LARGE1: variants seen among roughly 807,000 people sequenced by gnomAD.
LARGE1 encodes the protein xylosyl- and glucuronyltransferase LARGE1.
LARGE1 carries 43 observed loss-of-function variants against 87.6 expected under a neutral mutation model. The ratio of observed to expected loss-of-function variants is 0.49; its 90% CI spans 0.38 to 0.63. LARGE1 has a LOEUF of 0.63. Among genes scored for constraint, LARGE1 ranks in the 30% least tolerant of loss-of-function variants. The probability of loss-of-function intolerance (pLI) is 0.00; values close to 1 mark genes in which losing one functional copy is unlikely to be tolerated. For missense variants in LARGE1, 802 were observed against 1,000.2 expected (o/e 0.80, Z 2.67); for synonymous variants, 434 against 394.6 (o/e 1.10, Z -1.18).
At chr22:33,214,034 T>C (rs984536141) in intron 11 of LARGE1, among the ~76,000 whole-genome samples, 10 of 152,202 alleles carry the variant, frequency 6.6e-5, no homozygotes, top group Non-Finnish European at 1.5e-4. Flanking sequence ...TTCACCGTAC[T>C]AGCCAGGGTG....
chr22:33,095,943 G>A, the LARGE1 span, among the ~76,000 whole-genome samples: 1 of 152,120 alleles, frequency 6.6e-6, no homozygotes, highest in Non-Finnish European at 1.5e-5. Flanking sequence ...TTTGGAGTAC[G>A]GGAGTCCAGC....
chr22:33,791,613 A>G (rs1398352691), intron 1 of LARGE1, among the ~76,000 whole-genome samples: 18 of 152,318 alleles, frequency 1.2e-4, no homozygotes, highest in Non-Finnish European at 1.5e-4. Context: ...ACTGCTAACA[A>G]TGCCTTATCA....
In LARGE1 at chr22:33,361,334, G is replaced by GTT. The variant is rs202020599; in HGVS notation, c.1131+20583_1131+20584dup. 5.6e-3 allele frequency among the ~76,000 whole-genome samples: 838 copies of GTT among 149,970 alleles called. 30 individuals are homozygous for GTT. The highest frequency in any genetic ancestry group is 0.037 in the Admixed American group (561 of 15,138). On this transcript the variant is annotated intron_variant, in intron 9 of 14. Transcript: ENST00000397394. ...GACTTTCCTAATGAGGTTCACAGGG[G>GTT]TTTGACACAACAACTTCCTCTGAAA...
At chr22:33,491,137 T>C (rs1416749631) in intron 6 of LARGE1, among the ~76,000 whole-genome samples, 1 of 152,204 alleles carries the variant, frequency 6.6e-6, no homozygotes, top group Non-Finnish European at 1.5e-5. Context: ...TGAGAGGATA[T>C]ACATCTCTTA....
chr22:33,706,158 G>T (rs1048463638), intron 2 of LARGE1, among the ~76,000 whole-genome samples: 3 of 152,232 alleles, frequency 2.0e-5, no homozygotes, highest in African/African-American at 7.2e-5. Flanking sequence ...TGTGCTGGCT[G>T]TGTGTCGTTT....
At chr22:33,449,129 C>T (rs962847633) in intron 6 of LARGE1, among the ~76,000 whole-genome samples, 11 of 152,040 alleles carry the variant, frequency 7.2e-5, no homozygotes, top group Admixed American at 6.6e-4. Context: ...TATGGATATA[C>T]CATAATTTGA....
chr22:33,090,428 T>G, the LARGE1 span, among the ~76,000 whole-genome samples: 1 of 151,850 alleles, frequency 6.6e-6, no homozygotes, highest in Non-Finnish European at 1.5e-5. Flanking sequence ...TCCAGGAGGG[T>G]CTTACTGAGA....
At chr22:33,667,637 A>T (rs2081305012) in intron 2 of LARGE1, among the ~76,000 whole-genome samples, 1 of 152,232 alleles carries the variant, frequency 6.6e-6, no homozygotes, top group African/African-American at 2.4e-5. Flanking sequence ...ATAAATTATT[A>T]ACTCTGGGTC....
chr22:33,363,999 T>C (rs539496103), intron 9 of LARGE1, among the ~76,000 whole-genome samples: 1 of 149,606 alleles, frequency 6.7e-6, no homozygotes, highest in Non-Finnish European at 1.5e-5. Flanking sequence ...AAGAACACCG[T>C]CTGTCCCACC....
At chr22:33,096,759 G>T in the LARGE1 span, among the ~76,000 whole-genome samples, 2 of 151,932 alleles carry the variant, frequency 1.3e-5, no homozygotes, top group Non-Finnish European at 2.9e-5. Flanking sequence ...TAGAGACGGG[G>T]TTTCACTGTG....
At chr22:33,448,566 T>C (rs1189381152) in intron 6 of LARGE1, among the ~76,000 whole-genome samples, 1 of 152,180 alleles carries the variant, frequency 6.6e-6, no homozygotes, top group Admixed American at 6.5e-5. Flanking sequence ...TGGTCTTGCT[T>C]GTCCCCTCTG....
chr22:33,158,504 C>T (rs1016974216), downstream of LARGE1, among the ~76,000 whole-genome samples: 55 of 152,100 alleles, frequency 3.6e-4, no homozygotes, highest in Admixed American at 3.3e-3. Flanking sequence ...AACATCTTCC[C>T]TCTAGCTTTG....
chr22:33,277,506 A>G (rs1399079892), intron 13 of LARGE1, among the ~76,000 whole-genome samples: 8 of 152,206 alleles, frequency 5.3e-5, no homozygotes, highest in Admixed American at 5.2e-4. Context: ...CTAATCCAAT[A>G]TTTGTTGTCC....
At chr22:33,263,800 C>T (rs1265834457) in intron 11 of LARGE1, among the ~76,000 whole-genome samples, 4 of 152,190 alleles carry the variant, frequency 2.6e-5, no homozygotes, top group Admixed American at 6.5e-5. Flanking sequence ...ATGAAATGCA[C>T]GATGAAGGAC....
intron 3 of LARGE1, among the ~76,000 whole-genome samples, chr22:33,628,329 T>C (rs1264094812): frequency 1.3e-5 from 2 of 151,568 alleles, no homozygotes; most frequent in African/African-American, 4.9e-5. Flanking sequence ...TTTTTTTTTT[T>C]TTTTTGAGCC....
At chr22:33,160,536 T>C (rs1921988553), downstream of LARGE1, among the ~76,000 whole-genome samples, 2 of 152,206 alleles carry the variant, frequency 1.3e-5, no homozygotes, top group South Asian at 4.1e-4. Context: ...ATTAGAGACA[T>C]GAAGCAGACA....
chr22:33,173,066 C>T lies in LARGE1; in HGVS notation c.1731-6234G>A, dbSNP rs2146142496. ...CCAAGACACATAATCATCAGATTCA[C>T]CAAGGTTGGAATGAAGGAAAAAATG... On this transcript the variant is annotated intron_variant, in intron 11 of 11. Transcript: ENST00000608642. Among the ~76,000 whole-genome samples, 5 of 152,188 alleles carry T rather than the reference C, an allele frequency of 3.3e-5. No homozygotes were observed. In the South Asian group the frequency reaches 1.0e-3, roughly 32 times the overall value.
intron 6 of LARGE1, among the ~76,000 whole-genome samples, chr22:33,532,826 G>C (rs867087259): frequency 6.6e-6 from 1 of 152,194 alleles, no homozygotes; most frequent in South Asian, 2.1e-4. Context: ...AGTAGTGTTA[G>C]GCGCAACGGC....
chr22:33,738,208 C>T (rs1021284359), intron 2 of LARGE1, among the ~76,000 whole-genome samples: 1 of 152,160 alleles, frequency 6.6e-6, no homozygotes, highest in Non-Finnish European at 1.5e-5. Flanking sequence ...GCAAATAAAG[C>T]CCATTCTGGG....
Sources: allele counts gnomAD v4.1 joint callset (sites outside exome capture counted in the v4.1 genomes callset), GRCh38; gene constraint gnomAD v4.1.1; transcripts MANE v1.5; gene names NCBI Gene and HGNC (gene_info 2026-07-23, HGNC 2026-07-21).